The following RELN variants were observed in gnomAD, a reference collection of about 807,000 sequenced individuals.
RELN encodes the protein reelin.
A neutral mutation model predicts 427.6 loss-of-function variants in RELN; 108 were observed. The observed-to-expected ratio is 0.25, with a 90% CI of 0.22 to 0.30. The LOEUF is 0.30. Ranked by LOEUF, RELN falls within the 10% of genes least tolerant of loss-of-function variation. The pLI is 1.00. For missense variants in RELN, 3,715 were observed against 4,302.8 expected, an observed-to-expected ratio of 0.86 and a Z score of 3.82; for synonymous variants, 1,524 against 1,513.4, an observed-to-expected ratio of 1.01 and a Z score of -0.16.
At chr7:103,759,849 GAC>G (rs1481439876) in intron 4 of RELN, among the ~76,000 whole-genome samples, 1 of 151,938 alleles carries the variant, frequency 6.6e-6, no homozygotes, top group Non-Finnish European at 1.5e-5. Context: ...TTATCCTTAC[GAC>G]AGTTTCTCTT....
At chr7:103,969,797 A>G (rs1796726421) in intron 1 of RELN, among the ~76,000 whole-genome samples, 1 of 152,220 alleles carries the variant, frequency 6.6e-6, no homozygotes, top group Admixed American at 6.5e-5. Context: ...TGGACCAAAC[A>G]TATATTATAT....
chr7:103,856,525 C>T (rs1309001997), intron 2 of RELN, among the ~76,000 whole-genome samples: 1 of 146,472 alleles, frequency 6.8e-6, no homozygotes, highest in East Asian at 2.1e-4. Context: ...TCCAAGATTG[C>T]CCCATTGAAC....
intron 28 of RELN, among the ~76,000 whole-genome samples, chr7:103,583,092 A>T (rs77427627): frequency 0.015 from 2,318 of 152,324 alleles, 53 homozygotes; most frequent in African/African-American, 0.052. Context: ...GTGGGGGGAA[A>T]GTATAATCCT....
intron 1 of RELN, among the ~76,000 whole-genome samples, chr7:103,931,195 T>C (rs950986659): frequency 6.6e-6 from 1 of 152,072 alleles, no homozygotes; most frequent in Admixed American, 6.5e-5. Flanking sequence ...ATTCTAGGCT[T>C]TCCTCTGACT....
chr7:103,698,127 T>C (rs769031369), intron 9 of RELN, 34 bp from the exon 10 acceptor site: 2 of 1,613,060 alleles, frequency 1.2e-6, no homozygotes, highest in Admixed American at 3.3e-5. Context: ...AGTTTAGCAA[T>C]GCTGACTTTT....
intron 1 of RELN, among the ~76,000 whole-genome samples, chr7:103,972,377 T>C (rs1796781642): frequency 6.6e-6 from 1 of 152,248 alleles, no homozygotes; most frequent in African/African-American, 2.4e-5. Flanking sequence ...GTTTCCTCCC[T>C]TGCGCTGGAA....
chr7:103,473,145 G>T, intron 64 of RELN: 1 of 621,266 alleles, frequency 1.6e-6, no homozygotes, highest in East Asian at 3.1e-5. Context: ...AGTGAGCTCT[G>T]AACCAGAAAA....
chr7:103,970,477 T>C (rs950262153), intron 1 of RELN, among the ~76,000 whole-genome samples: 3 of 152,066 alleles, frequency 2.0e-5, no homozygotes, highest in African/African-American at 7.2e-5. Flanking sequence ...TTTCTTTTTC[T>C]TTTTCTTTTT....
At chr7:103,575,455 A>T in intron 29 of RELN, 93 bp downstream of exon 29, 9 of 1,335,998 alleles carry the variant, frequency 6.7e-6, no homozygotes, top group Non-Finnish European at 8.6e-6. Context: ...GAATAAATTC[A>T]GAATTTATTT....
intron 34 of RELN, among the ~76,000 whole-genome samples, chr7:103,564,578 T>C (rs1830706815): frequency 6.6e-6 from 1 of 152,020 alleles, no homozygotes; most frequent in Non-Finnish European, 1.5e-5. Context: ...ACACCCTGAT[T>C]TATCCCTTAT....
chr7:103,690,458 T>A (rs10229126), intron 10 of RELN, among the ~76,000 whole-genome samples: 3,223 of 152,236 alleles, frequency 0.021, 126 homozygotes, highest in African/African-American at 0.073. Context: ...ACAGAGGCCC[T>A]GCCATGGCAG....
At position 103,713,327 on chromosome 7, in the gene RELN, G is replaced by A. The variant is rs374971507; in HGVS notation, c.805+9813C>T. ...AAGATCATAAAGTTATAGAATGGAT[G>A]CATTCTGGCTACTCAGAACTCCCTG... On this transcript the variant is annotated intron_variant, in intron 8 of 64. Transcript: ENST00000428762. 5.3e-5 allele frequency among the ~76,000 whole-genome samples: 8 copies of A among 152,300 alleles called. No individual in the cohort carries two copies. The East Asian group carries it at 1.3e-3, about 26-fold the overall frequency.
chr7:103,733,681 A>G (rs1274549961), intron 6 of RELN, among the ~76,000 whole-genome samples: 1 of 135,810 alleles, frequency 7.4e-6, no homozygotes, highest in African/African-American at 2.8e-5. Flanking sequence ...TCAGTAAACT[A>G]TCTCAAGAAC....
chr7:103,949,622 T>C (rs949467962), intron 1 of RELN, among the ~76,000 whole-genome samples: 3 of 144,284 alleles, frequency 2.1e-5, no homozygotes, highest in Non-Finnish European at 4.5e-5. Flanking sequence ...GAGAAATAAA[T>C]TTTTGTCTAA....
chr7:103,474,702 G>C, intron 64 of RELN, among the ~76,000 whole-genome samples: 1 of 151,658 alleles, frequency 6.6e-6, no homozygotes, highest in African/African-American at 2.4e-5. Context: ...CTTGGGACTG[G>C]AACTAGCTGT....
At chr7:103,576,833 A>G (rs1448499960) in intron 28 of RELN, among the ~76,000 whole-genome samples, 1 of 152,236 alleles carries the variant, frequency 6.6e-6, no homozygotes, top group Non-Finnish European at 1.5e-5. Context: ...GGGCTGGGCT[A>G]CTGCCCAGTT....
At chr7:103,688,905 A>G (rs1431561572) in intron 10 of RELN, among the ~76,000 whole-genome samples, 1 of 152,094 alleles carries the variant, frequency 6.6e-6, no homozygotes, top group Admixed American at 6.6e-5. Flanking sequence ...GATGTTTGTT[A>G]AACTAGAAAA....
intron 8 of RELN, among the ~76,000 whole-genome samples, chr7:103,718,654 T>C (rs370822474): frequency 3.3e-5 from 5 of 152,094 alleles, no homozygotes; most frequent in African/African-American, 1.2e-4. Context: ...CTTGGTAACA[T>C]ACTATTATAG....
intron 2 of RELN, among the ~76,000 whole-genome samples, chr7:103,860,124 G>C (rs1390944843): frequency 6.6e-6 from 1 of 152,054 alleles, no homozygotes; most frequent in African/African-American, 2.4e-5. Flanking sequence ...AAATATCAAT[G>C]GAAATTCTTA....
Sources: allele counts gnomAD v4.1 joint callset (sites outside exome capture counted in the v4.1 genomes callset), GRCh38; gene constraint gnomAD v4.1.1; transcripts MANE v1.5; gene names NCBI Gene and HGNC (gene_info 2026-07-23, HGNC 2026-07-21).